Variants in ADAMTS13 observed in about 807,000 individuals in gnomAD.
The protein encoded by ADAMTS13 is ADAM metallopeptidase with thrombospondin type 1 motif 13.
Under a neutral mutation model 155.1 loss-of-function variants are expected in ADAMTS13, and 110 were observed. The observed-to-expected ratio is 0.71, with a 90% CI of 0.61 to 0.83. The LOEUF is 0.83. ADAMTS13 is among the 40% of genes least tolerant of loss of function. ADAMTS13 has a pLI of 0.00. For missense variants in ADAMTS13, 1,707 were observed against 1,891.7 expected, an observed-to-expected ratio of 0.90 and a Z score of 1.81; for synonymous variants, 758 against 756.4, an observed-to-expected ratio of 1.00 and a Z score of -0.03.
intron 18 of ADAMTS13, 75 bp downstream of exon 18, chr9:133,442,818 C>T: frequency 1.3e-6 from 2 of 1,520,446 alleles, no homozygotes; most frequent in Non-Finnish European, 8.8e-7. Context: ...CTGTCCCTGG[C>T]CTATGGGGCC....
At position 133,425,998 on chromosome 9, in the gene ADAMTS13, CA is replaced by C. The variant is rs1439694148; in HGVS notation, c.476del (p.Gln159ArgfsTer90). The C allele has an allele frequency of 6.2e-7, 1 of 1,613,920 alleles. No individual in the cohort carries two copies. Among genetic ancestry groups the C allele is most frequent in the African/African-American group, 1.3e-5 (1 of 74,932 alleles). On this transcript the variant is annotated frameshift_variant, in exon 5 of 29. Transcript: ENST00000355699. LOFTEE classifies it high-confidence loss of function. The surrounding 1 kb of genome is among the most constrained non-coding windows in gnomAD (Gnocchi z 4.6). ...CCTGCTGAGCGTCTGTGGGTGGAGC[CA>C]GACCATCAACCCTGAGGACGACACG... is the stretch of plus-strand genomic sequence containing the variant. ...SSLLSVCGWS[Q>X]TINPEDDTDP... is the part of the protein sequence containing the mutation.
At position 133,455,611 on chromosome 9, in the gene ADAMTS13, C is replaced by A. The variant is rs781837868; in HGVS notation, c.3400+176C>A. On this transcript the variant is annotated intron_variant, in intron 25 of 28. Coordinates refer to ENST00000355699, the MANE Select transcript of ADAMTS13 (RefSeq NM_139027.6). ...AAAACTCAGTGCAGTCCAGTTATGT[C>A]CTGTCCTCCTTCCTGTCAGGCAGCT... 1.3e-6 allele frequency: 2 copies of A among 1,599,640 alleles called. No homozygotes were observed. The highest frequency in any genetic ancestry group is 2.7e-5 in the African/African-American group (2 of 74,870).
At chr9:133,439,162 G>T (rs1841478106) in intron 14 of ADAMTS13, among the ~76,000 whole-genome samples, 1 of 152,168 alleles carries the variant, frequency 6.6e-6, no homozygotes, top group African/African-American at 2.4e-5. Context: ...CCTTGGACCC[G>T]GTCCCTTCTC....
At chr9:133,422,934 C>CTTTTT (rs71281254) in intron 1 of ADAMTS13, among the ~76,000 whole-genome samples, 167 bp from the exon 2 acceptor site, 23 of 93,224 alleles carry the variant, frequency 2.5e-4, no homozygotes, top group African/African-American at 7.3e-4. Flanking sequence ...CTCTCTCTCT[C>CTTTTT]TTTTTTTTTT....
intron 23 of ADAMTS13, 71 bp downstream of exon 23, chr9:133,450,036 G>T: frequency 6.6e-7 from 1 of 1,508,498 alleles, no homozygotes. Flanking sequence ...TGTGGTGTGT[G>T]CCTGTAATCG....
chr9:133,435,154 G>A (rs1423979729), intron 11 of ADAMTS13, among the ~76,000 whole-genome samples: 1 of 151,894 alleles, frequency 6.6e-6, no homozygotes, highest in African/African-American at 2.4e-5. Flanking sequence ...CGGAGTTACT[G>A]GATCGTATGG....
At chr9:133,437,051 G>A in intron 12 of ADAMTS13, 96 bp downstream of exon 12, 1 of 1,459,404 alleles carries the variant, frequency 6.9e-7, no homozygotes, top group East Asian at 2.5e-5. Context: ...TATCCCTCCA[G>A]CACTGGGCAA....
chr9:133,439,480 T>C (rs1462326537), intron 15 of ADAMTS13, 34 bp downstream of exon 15: 7 of 1,565,924 alleles, frequency 4.5e-6, no homozygotes, highest in Non-Finnish European at 6.2e-6. Context: ...CCCAGTTAGC[T>C]AGACTGCAAA....
upstream of ADAMTS13, among the ~76,000 whole-genome samples, chr9:133,421,527 A>G (rs938418110): frequency 3.1e-4 from 47 of 152,176 alleles, no homozygotes; most frequent in African/African-American, 1.1e-3. Context: ...CTTCCCTAGA[A>G]TTTAAGCTGT....
Position 133,429,976 on chromosome 9 carries a change from C to T in ADAMTS13, c.862C>T (p.Pro288Ser). The T allele has an allele frequency of 6.5e-7, 1 of 1,547,350 alleles. No individual in the cohort carries two copies. The highest frequency in any genetic ancestry group is 8.7e-7 in the Non-Finnish European group (1 of 1,151,120). Residue 288 changes from proline to serine, a missense_variant, in exon 8 of 29, where the codon CCT (proline) becomes TCT (serine). Physicochemically the swap from Pro to Ser is moderately conservative, Grantham distance 74. Coordinates refer to ENST00000355699, the MANE Select transcript of ADAMTS13 (RefSeq NM_139027.6). ...GCGCTGCGTGTGGGACCCGCCGCGG[C>T]CTCAACCCGGGTCCGCGGGGCACCC... is the stretch of plus-strand genomic sequence containing the variant. ...RARCVWDPPRPQPGSAGHPPD... is the reference protein window; with the variant it reads ...RARCVWDPPRSQPGSAGHPPD...
intron 28 of ADAMTS13, 23 bp from the exon 29 acceptor site, chr9:133,458,951 C>T: frequency 6.2e-7 from 1 of 1,607,100 alleles, no homozygotes. Context: ...GCCGGTCCTT[C>T]TGGGCTGCCC....
chr9:133,414,371 GCAGGGA>G, exon 1 of ADAMTS13: 1 of 614,060 alleles, frequency 1.6e-6, no homozygotes, highest in Non-Finnish European at 3.0e-6. Context: ...CTGGCGAGAA[GCAGGGA>G]CAGGCCTCAT....
intron 24 of ADAMTS13, 101 bp downstream of exon 24, chr9:133,454,720 C>G: frequency 7.2e-7 from 1 of 1,395,226 alleles, no homozygotes; most frequent in Non-Finnish European, 9.7e-7. Flanking sequence ...CTCATCGTGT[C>G]CCCTGAAAGG....
chr9:133,417,062 G>A (rs375444089), upstream of ADAMTS13, among the ~76,000 whole-genome samples: 2 of 152,254 alleles, frequency 1.3e-5, no homozygotes, highest in South Asian at 2.1e-4. Context: ...CCAGGCTGGA[G>A]TGCAGTGGCG....
chr9:133,446,479 A>G (rs1842073756), intron 21 of ADAMTS13, among the ~76,000 whole-genome samples: 1 of 152,234 alleles, frequency 6.6e-6, no homozygotes, highest in Non-Finnish European at 1.5e-5. Context: ...ATGTCCTCAC[A>G]GTTCATCCAT....
rs147112200 is a variant in ADAMTS13, at chr9:133,445,022, C to T, written c.2580C>T (p.Val860=). 1,438 of 1,613,392 alleles carry T rather than the reference C, an allele frequency of 8.9e-4. 1 individual carries two copies. Among genetic ancestry groups the T allele is most frequent in the Middle Eastern group, 4.3e-3 (26 of 6,056 alleles). The change falls in exon 20 of 29, where the codon GTC becomes GTT. Residue 860 remains valine (V), a synonymous_variant. Coordinates refer to ENST00000355699, the MANE Select transcript of ADAMTS13 (RefSeq NM_139027.6). This position sits in a 1 kb window ranked among gnomAD's most constrained non-coding sequence, Gnocchi z 5.0. ...DEKLPAPEPC[V]GMSCPPGWGH... ...AGCTGCCTGCCCCTGAGCCCTGTGT[C>T]GGGATGTCATGTCCTCCAGGCTGGG...
chr9:133,424,475 C>T lies in ADAMTS13; in HGVS notation c.327C>T (p.Asn109=). Residue 109 remains asparagine, a synonymous_variant, in exon 3 of 29, where the codon AAC becomes AAT. Transcript: ENST00000355699. The surrounding 1 kb of genome is among the most constrained non-coding windows in gnomAD (Gnocchi z 4.3). ...AGCGCTATGTGCTCACCAACCTCAA[C>T]ATCGTGAGTGCCCCACGCTGGACTG... ...DTERYVLTNL[N]IGAELLRDPS... 1 of 1,613,222 alleles carries T rather than the reference C, an allele frequency of 6.2e-7. No homozygotes were observed. The highest frequency in any genetic ancestry group is 8.5e-7 in the Non-Finnish European group (1 of 1,179,620).
chr9:133,431,898 C>T (rs587696238), intron 8 of ADAMTS13, among the ~76,000 whole-genome samples: 1 of 152,346 alleles, frequency 6.6e-6, no homozygotes, highest in East Asian at 1.9e-4. Context: ...TCGTGATTTG[C>T]CCGCCTCGGC....
At chr9:133,426,381 A>G in intron 6 of ADAMTS13, 36 bp downstream of exon 6, 1 of 1,598,448 alleles carries the variant, frequency 6.3e-7, no homozygotes, top group Non-Finnish European at 8.5e-7. Context: ...AGGATCTGGC[A>G]AGGAGCTGAC....
Sources: gnomAD v4.1 joint callset for allele counts (sites outside exome capture counted in the v4.1 genomes callset) on GRCh38, gnomAD v4.1.1 for gene constraint, Gnocchi (gnomAD v3.1) non-coding constraint, MANE v1.5 for transcripts, NCBI Gene and HGNC (gene_info 2026-07-23, HGNC 2026-07-21) for gene names.